The following THSD4 variants were observed in gnomAD, a reference collection of about 807,000 sequenced individuals.
The protein encoded by THSD4 is thrombospondin type 1 domain containing 4.
A neutral mutation model predicts 119.0 loss-of-function variants in THSD4; 69 were observed. That is an observed-to-expected ratio of 0.58 (90% CI 0.48 to 0.71). The LOEUF is 0.71. Ranked by LOEUF, THSD4 falls within the 30% of genes least tolerant of loss-of-function variation. The pLI is 0.00. For synonymous variants in THSD4, 524 were observed against 540.4 expected, an observed-to-expected ratio of 0.97 and a Z score of 0.42; for missense variants, 1,393 against 1,391.1, an observed-to-expected ratio of 1.00 and a Z score of -0.02.
At chr15:71,200,459 G>A (rs899975364) in intron 3 of THSD4, among the ~76,000 whole-genome samples, 3 of 152,124 alleles carry the variant, frequency 2.0e-5, no homozygotes, top group Non-Finnish European at 4.4e-5. Flanking sequence ...AAGCCTGCTT[G>A]TGGGATTCTC....
At chr15:71,572,121 TAAAATA>T (rs896809635) in intron 7 of THSD4, among the ~76,000 whole-genome samples, 13 of 152,190 alleles carry the variant, frequency 8.5e-5, no homozygotes, top group African/African-American at 3.1e-4. Flanking sequence ...CTATTTATAA[TAAAATA>T]AAATCCTACC....
At chr15:71,587,777 AAAAAAAAATTAAAAAAAAAAAAG>A (rs1207362345) in intron 7 of THSD4, among the ~76,000 whole-genome samples, 2 of 37,474 alleles carry the variant, frequency 5.3e-5, no homozygotes, top group Non-Finnish European at 7.3e-5. Context: ...GTATAATAAA[AAAAAAAAATTAAAAAAAAAAAAG>A]AAAAAAAAAA....
chr15:71,527,149 A>T (rs1391919185), intron 7 of THSD4, among the ~76,000 whole-genome samples: 1 of 152,154 alleles, frequency 6.6e-6, no homozygotes, highest in African/African-American at 2.4e-5. Flanking sequence ...ATGTAAGGAC[A>T]CAGCAACAAG....
chr15:71,167,858 G>GT (rs2043309161), intron 3 of THSD4, among the ~76,000 whole-genome samples: 1 of 152,316 alleles, frequency 6.6e-6, no homozygotes, highest in Middle Eastern at 3.4e-3. Flanking sequence ...TTTCTACAGT[G>GT]TAAGTTATTC....
chr15:71,145,212 T>A (rs1424561866), intron 2 of THSD4, among the ~76,000 whole-genome samples: 1 of 152,176 alleles, frequency 6.6e-6, no homozygotes, highest in Non-Finnish European at 1.5e-5. Flanking sequence ...GGTTGACGTA[T>A]TTTATATTTC....
intron 8 of THSD4, among the ~76,000 whole-genome samples, chr15:71,695,635 A>T (rs530078432): frequency 1.3e-5 from 2 of 152,086 alleles, no homozygotes; most frequent in African/African-American, 4.8e-5. Context: ...GGTGACCACT[A>T]CAGAGACAGG....
chr15:71,678,124 C>T (rs1009341610), intron 8 of THSD4, among the ~76,000 whole-genome samples: 6 of 152,188 alleles, frequency 3.9e-5, no homozygotes, highest in African/African-American at 9.7e-5. Context: ...TCCCTAGATC[C>T]GCCTATTCCC....
rs567361662 is a variant in THSD4 at position 71,647,608 on chromosome 15, G to A, written c.1153-12922G>A. Among the ~76,000 whole-genome samples, 8 of 152,300 alleles carry A rather than the reference G, an allele frequency of 5.3e-5. No individual in the cohort carries two copies. In the South Asian group the frequency reaches 6.2e-4, roughly 12 times the overall value. ...GCAAGCTCTCGGGTTGGGTAATGACGTCGCCCAAGGAACCTGATGTTTTTC... is the reference window on the plus strand; with the variant it reads ...GCAAGCTCTCGGGTTGGGTAATGACATCGCCCAAGGAACCTGATGTTTTTC... On this transcript the variant is annotated intron_variant, in intron 7 of 17. Transcript: ENST00000261862.
intron 7 of THSD4, among the ~76,000 whole-genome samples, chr15:71,467,844 G>GC (rs1401978279): frequency 7.5e-5 from 1 of 13,284 alleles, no homozygotes; most frequent in African/African-American, 3.7e-4. Context: ...GAGATATGAT[G>GC]GTTTTTTTTT....
chr15:71,164,631 A>G, intron 3 of THSD4: 1 of 1,297,238 alleles, frequency 7.7e-7, no homozygotes, highest in Non-Finnish European at 1.1e-6. Context: ...TGTTAACTAT[A>G]CAAAAAAAGA....
intron 3 of THSD4, among the ~76,000 whole-genome samples, chr15:71,166,313 C>A (rs2043294424): frequency 6.6e-6 from 1 of 152,068 alleles, no homozygotes; most frequent in Non-Finnish European, 1.5e-5. Context: ...TGGCTACTGA[C>A]CCCCAACACA....
intron 8 of THSD4, among the ~76,000 whole-genome samples, chr15:71,711,083 G>GTATATATATA (rs56201476): frequency 7.8e-6 from 1 of 128,218 alleles, no homozygotes; most frequent in Admixed American, 7.3e-5. Flanking sequence ...ATATATATAT[G>GTATATATATA]TATATATATA....
chr15:71,648,108 C>T (rs766712595), intron 7 of THSD4, among the ~76,000 whole-genome samples: 5 of 152,156 alleles, frequency 3.3e-5, no homozygotes, highest in South Asian at 2.1e-4. Context: ...ATTTCAAACC[C>T]GCCACCATCA....
chr15:71,490,422 T>C (rs1015259697), intron 7 of THSD4, among the ~76,000 whole-genome samples: 2 of 152,122 alleles, frequency 1.3e-5, no homozygotes, highest in African/African-American at 4.8e-5. Flanking sequence ...TAGCCAGGCC[T>C]GGTGGCGGGT....
chr15:71,715,946 T>G (rs760133168), intron 8 of THSD4, among the ~76,000 whole-genome samples: 1 of 152,156 alleles, frequency 6.6e-6, no homozygotes, highest in Non-Finnish European at 1.5e-5. Context: ...GTGTATTAGT[T>G]ACCTGTGGCT....
chr15:71,163,287 A>G (rs1297751142), intron 3 of THSD4, among the ~76,000 whole-genome samples: 3 of 151,596 alleles, frequency 2.0e-5, no homozygotes, highest in Non-Finnish European at 2.9e-5. Flanking sequence ...TTATTAGTTT[A>G]TTAGTATCAT....
chr15:71,769,837 C>T (rs1167014026), intron 16 of THSD4, among the ~76,000 whole-genome samples: 1 of 56,608 alleles, frequency 1.8e-5, no homozygotes, highest in African/African-American at 9.8e-5. Flanking sequence ...ACTTGTTTAT[C>T]TGCTGACCTT....
chr15:71,642,730 C>T (rs1415486075), intron 7 of THSD4, among the ~76,000 whole-genome samples: 2 of 150,722 alleles, frequency 1.3e-5, no homozygotes, highest in Non-Finnish European at 1.5e-5. Flanking sequence ...TGTTCTCACT[C>T]ATAGGTGGGA....
At chr15:71,774,322 A>AC (rs1363892623) in intron 17 of THSD4, among the ~76,000 whole-genome samples, 4 of 125,968 alleles carry the variant, frequency 3.2e-5, no homozygotes, top group Admixed American at 2.7e-4. Context: ...AAAAAAAAAA[A>AC]AAAAACTACA....
Sources: gnomAD v4.1 joint callset for allele counts (sites outside exome capture counted in the v4.1 genomes callset) on GRCh38, gnomAD v4.1.1 for gene constraint, MANE v1.5 for transcripts, NCBI Gene and HGNC (gene_info 2026-07-23, HGNC 2026-07-21) for gene names.